VPS8: variants seen among roughly 807,000 people sequenced by gnomAD.
The protein encoded by VPS8 is vacuolar protein sorting-associated protein 8 homolog.
A neutral mutation model predicts 216.4 loss-of-function variants in VPS8; 129 were observed. The observed-to-expected ratio is 0.60, with a 90% CI of 0.52 to 0.69. VPS8 has a LOEUF of 0.69. Ranked by LOEUF, VPS8 falls within the 30% of genes least tolerant of loss-of-function variation. VPS8 has a pLI of 0.00. For synonymous variants in VPS8, 571 were observed against 565.4 expected, an observed-to-expected ratio of 1.01 and a Z score of -0.14; for missense variants, 1,531 against 1,683.5, an observed-to-expected ratio of 0.91 and a Z score of 1.59.
At chr3:185,045,479 A>G (rs1712662122) in intron 46 of VPS8, among the ~76,000 whole-genome samples, 1 of 152,106 alleles carries the variant, frequency 6.6e-6, no homozygotes, top group South Asian at 2.1e-4. Context: ...ATGTTTGTTA[A>G]GAGGTCTGTG....
At chr3:185,036,867 A>T (rs1311120381) in intron 46 of VPS8, among the ~76,000 whole-genome samples, 1 of 152,024 alleles carries the variant, frequency 6.6e-6, no homozygotes. Context: ...TCATTTCCTT[A>T]GCTTAGTAAA....
chr3:184,815,842 A>G (rs1297301806), intron 1 of VPS8: 1 of 151,950 alleles, frequency 6.6e-6, no homozygotes, highest in Non-Finnish European at 1.5e-5. Flanking sequence ...AAAAAGAATA[A>G]ATCTCTCATG....
intron 45 of VPS8, among the ~76,000 whole-genome samples, chr3:185,001,937 G>A (rs1351944045): frequency 6.6e-6 from 1 of 152,214 alleles, no homozygotes; most frequent in African/African-American, 2.4e-5. Context: ...TGTAAGTACA[G>A]ATAATGAGTA....
rs116339009 is a variant in VPS8, at chr3:184,827,384, T to C, written c.222+1153T>C. On this transcript the variant is annotated intron_variant, in intron 3 of 47. Coordinates refer to ENST00000625842, the MANE Select transcript of VPS8 (RefSeq NM_001009921.3). ...TGTCCTATATGTTCTGTGTGAAGACTTAAGCATTTTTAGTTTTGATAAAGA... is the reference window on the plus strand; with the variant it reads ...TGTCCTATATGTTCTGTGTGAAGACCTAAGCATTTTTAGTTTTGATAAAGA... Among the ~76,000 whole-genome samples, 367 of 152,348 alleles carry C rather than the reference T, an allele frequency of 2.4e-3. 3 individuals carry two copies. The highest frequency in any genetic ancestry group is 8.6e-3 in the African/African-American group (359 of 41,584).
At chr3:184,823,579 A>C (rs1718087318) in intron 1 of VPS8, among the ~76,000 whole-genome samples, 1 of 152,196 alleles carries the variant, frequency 6.6e-6, no homozygotes, top group African/African-American at 2.4e-5. Flanking sequence ...CTAGTTTAGG[A>C]AACAAAATGA....
chr3:184,959,995 C>A (rs570764010), intron 37 of VPS8, among the ~76,000 whole-genome samples: 2 of 152,200 alleles, frequency 1.3e-5, no homozygotes, highest in Non-Finnish European at 2.9e-5. Flanking sequence ...CCACTCCCCC[C>A]ACCCCACAAC....
chr3:184,994,605 A>G (rs964513325), intron 43 of VPS8, among the ~76,000 whole-genome samples: 2 of 152,260 alleles, frequency 1.3e-5, no homozygotes, highest in Non-Finnish European at 2.9e-5. Flanking sequence ...AATGAAACAA[A>G]TATCTTTTTT....
intron 36 of VPS8, among the ~76,000 whole-genome samples, chr3:184,956,480 CATT>C (rs1467310295): frequency 3.3e-5 from 5 of 152,188 alleles, no homozygotes; most frequent in East Asian, 1.9e-4. Flanking sequence ...TCCAAGCAAT[CATT>C]GTTGTATCTT....
chr3:184,910,687 T>G (rs1210026969), intron 25 of VPS8, among the ~76,000 whole-genome samples: 1 of 152,200 alleles, frequency 6.6e-6, no homozygotes, highest in Admixed American at 6.5e-5. Context: ...TATTCGTGGT[T>G]CCCTGACCTC....
chr3:185,012,183 T>C (rs1755104709), intron 45 of VPS8, among the ~76,000 whole-genome samples: 1 of 150,064 alleles, frequency 6.7e-6, no homozygotes, highest in African/African-American at 2.4e-5. Flanking sequence ...TCTAGAAGTC[T>C]ATCATATATA....
At chr3:184,854,256 T>C (rs920398166) in intron 13 of VPS8, 83 bp downstream of exon 13, 30 of 1,454,570 alleles carry the variant, frequency 2.1e-5, no homozygotes, top group Non-Finnish European at 2.7e-5. Context: ...GGGTGAATTC[T>C]ATGAGATTGT....
intron 46 of VPS8, among the ~76,000 whole-genome samples, chr3:185,034,551 CATAGTT>C (rs1758607818): frequency 6.6e-6 from 1 of 152,042 alleles, no homozygotes; most frequent in African/African-American, 2.4e-5. Flanking sequence ...TTGTTGGATG[CATAGTT>C]TGAGAATATC....
At chr3:184,851,221 A>C (rs543883394) in intron 10 of VPS8, among the ~76,000 whole-genome samples, 4 of 152,246 alleles carry the variant, frequency 2.6e-5, no homozygotes, top group African/African-American at 9.6e-5. Flanking sequence ...AAAAGCAGAG[A>C]GAAAAGAGAA....
rs1315170376 is a variant in VPS8 at position 184,936,168 on chromosome 3, G to A, written c.2899-78G>A. ...GAAGCTTGCGACTGTATTGAGGTAG[G>A]TAATCGTGCCTCACATCTGTGGATA... On this transcript the variant is annotated intron_variant, in intron 34 of 47. Transcript: ENST00000625842. 8.1e-6 allele frequency: 10 copies of A among 1,235,800 alleles called. No individual in the cohort carries two copies. The East Asian group carries it at 2.3e-4, about 28-fold the overall frequency. 76.6% of individuals were successfully genotyped at this position (1,235,800 alleles called of 1,614,324 possible). A position where few individuals can be genotyped will look rare whatever the true frequency, so the allele number is the denominator to read the frequency against.
chr3:184,843,350 T>C (rs1722538410), intron 8 of VPS8, 105 bp downstream of exon 8: 2 of 863,508 alleles, frequency 2.3e-6, no homozygotes, highest in Non-Finnish European at 3.0e-6. Context: ...GAAATGCTTA[T>C]TGAAAAAAAC....
chr3:184,839,701 G>A lies in VPS8; in HGVS notation c.484G>A (p.Val162Ile). 6.2e-7 allele frequency: 1 copy of A among 1,604,584 alleles called. No homozygotes were observed. The highest frequency in any genetic ancestry group is 1.3e-5 in the African/African-American group (1 of 75,006). Residue 162 changes from valine to isoleucine, a missense_variant, in exon 7 of 48, where the codon GTA (valine) becomes ATA (isoleucine). Coordinates refer to ENST00000625842, the MANE Select transcript of VPS8 (RefSeq NM_001009921.3). ...VDAGLPTAIAVSSLIAVGTSH... is the reference protein window; with the variant it reads ...VDAGLPTAIAISSLIAVGTSH... ...TAATCTTCCCTTTTGTTTTCAGGCA[G>A]TATCCAGTCTGATAGCAGTGGGTAC...
At chr3:185,018,786 G>A (rs1756203754) in intron 45 of VPS8, among the ~76,000 whole-genome samples, 1 of 152,118 alleles carries the variant, frequency 6.6e-6, no homozygotes, top group Admixed American at 6.6e-5. Flanking sequence ...TTCTAACAGG[G>A]AACTGCCAAG....
intron 30 of VPS8, among the ~76,000 whole-genome samples, chr3:184,925,283 A>C (rs1006830960): frequency 3.9e-5 from 6 of 152,226 alleles, no homozygotes; most frequent in Non-Finnish European, 7.3e-5. Context: ...TAGTAAGACT[A>C]TTATGACCAT....
chr3:184,839,830 A>G (rs1337990906), intron 7 of VPS8, 78 bp downstream of exon 7: 2 of 1,512,254 alleles, frequency 1.3e-6, no homozygotes, highest in Non-Finnish European at 1.8e-6. Flanking sequence ...ATCACAGTTT[A>G]TATAGTGTAC....
Sources: allele counts gnomAD v4.1 joint callset (sites outside exome capture counted in the v4.1 genomes callset), GRCh38; gene constraint gnomAD v4.1.1; transcripts MANE v1.5; gene names NCBI Gene and HGNC (gene_info 2026-07-23, HGNC 2026-07-21).